The following ENG variants were observed in gnomAD, a reference collection of about 807,000 sequenced individuals.
ENG encodes the protein endoglin.
Under a neutral mutation model 71.0 loss-of-function variants are expected in ENG, and 17 were observed. The ratio of observed to expected loss-of-function variants is 0.24; its 90% CI spans 0.16 to 0.36. The LOEUF (loss-of-function observed/expected upper bound fraction) is 0.36, where lower values mean the gene tolerates loss of function less well. ENG is among the 10% of genes least tolerant of loss of function. The probability of loss-of-function intolerance (pLI) is 1.00; values close to 1 mark genes in which losing one functional copy is unlikely to be tolerated. For synonymous variants in ENG, 360 were observed against 366.9 expected, an observed-to-expected ratio of 0.98 and a Z score of 0.21; for missense variants, 749 against 868.3, an observed-to-expected ratio of 0.86 and a Z score of 1.73.
chr9:127,834,916 T>C (rs1830860590), intron 2 of ENG, among the ~76,000 whole-genome samples: 1 of 151,968 alleles, frequency 6.6e-6, no homozygotes, highest in African/African-American at 2.4e-5. Flanking sequence ...TATAAGTTCA[T>C]GTTTTGATTA....
intron 2 of ENG, among the ~76,000 whole-genome samples, chr9:127,832,144 C>T (rs1052277290): frequency 4.8e-5 from 7 of 144,614 alleles, no homozygotes; most frequent in Non-Finnish European, 7.5e-5. Flanking sequence ...GGCACAACCT[C>T]GGCTCACTGC....
chr9:127,825,281 G>T lies in ENG; in HGVS notation c.766C>A (p.Pro256Thr), dbSNP rs143779963. 4 of 1,611,080 alleles carry T rather than the reference G, an allele frequency of 2.5e-6. No homozygotes were observed. Among genetic ancestry groups the T allele is most frequent in the African/African-American group, 1.4e-5 (1 of 73,984 alleles). Reference sequence around the variant, plus strand: ...TCGATGAGCCAGGACACGTAGGGGGGACCCTGCAGGATGAGGACGGCATCG... The same window carrying T: ...TCGATGAGCCAGGACACGTAGGGGGTACCCTGCAGGATGAGGACGGCATCG... ...DLDAVLILQG[P>T]PYVSWLIDAN... is the part of the protein sequence containing the mutation. Residue 256 changes from proline (P) to threonine (T), a missense_variant, in exon 6 of 15, where the codon CCC becomes ACC. Physicochemically the swap from Pro to Thr is conservative, Grantham distance 38. Transcript: ENST00000373203.
chr9:127,839,034 G>A lies in ENG; in HGVS notation c.219+4060C>T, dbSNP rs539764940. 3.9e-5 allele frequency among the ~76,000 whole-genome samples: 6 copies of A among 152,240 alleles called. No individual in the cohort carries two copies. The East Asian group carries it at 5.8e-4, about 15-fold the overall frequency. Reference sequence around the variant, plus strand: ...TAAAAGCCACCACCCCCACTACCACGTCCAGCCCCATGCCGCTAGGCCTTT... The same window carrying A: ...TAAAAGCCACCACCCCCACTACCACATCCAGCCCCATGCCGCTAGGCCTTT... On this transcript the variant is annotated intron_variant, in intron 2 of 14. Transcript: ENST00000373203.
Position 127,819,913 on chromosome 9 carries a change from A to G in ENG, c.1259T>C (p.Met420Thr), listed in dbSNP as rs766272638. 183 of 1,614,102 alleles carry G rather than the reference A, an allele frequency of 1.1e-4. No individual in the cohort carries two copies. Among genetic ancestry groups the G allele is most frequent in the Non-Finnish European group, 1.3e-4 (154 of 1,180,046 alleles). Residue 420 changes from methionine (M) to threonine (T), a missense_variant, in exon 9 of 15, where the codon ATG becomes ACG. By Grantham distance (81) the Met-to-Thr change is moderately conservative. Coordinates refer to ENST00000373203, the MANE Select transcript of ENG (RefSeq NM_001114753.3). ...CCCAGCTCTTACCTCATTGCTGATC[A>G]TACTTGCTGACACCTGCATGCCACA... is the stretch of plus-strand genomic sequence containing the variant. Reference protein sequence around the residue: ...SSCGMQVSASMISNEAVVNIL... With the variant: ...SSCGMQVSASTISNEAVVNIL...
intron 14 of ENG, 32 bp downstream of exon 14, chr9:127,815,911 G>A: frequency 6.3e-7 from 1 of 1,580,496 alleles, no homozygotes; most frequent in East Asian, 2.3e-5. Context: ...GAGGGGCCCG[G>A]CATGCTCACT....
chr9:127,836,290 C>A lies in ENG; in HGVS notation c.220-6463G>T, dbSNP rs1830901767. The stretch of plus-strand genomic sequence containing the variant: ...CCCAGCCCGGCCAGCCTGCGCCTAC[C>A]CAGCCCCCTCCCTGAGTGGGTGGGC... On this transcript the variant is annotated intron_variant, in intron 2 of 14. Transcript: ENST00000373203. The surrounding 1 kb of genome is among the most constrained non-coding windows in gnomAD (Gnocchi z 4.0). Among the ~76,000 whole-genome samples the A allele has an allele frequency of 6.6e-6, 1 of 152,244 alleles. No individual in the cohort carries two copies. The highest frequency in any genetic ancestry group is 2.4e-5 in the African/African-American group (1 of 41,470).
intron 3 of ENG, 45 bp downstream of exon 3, chr9:127,829,642 C>A: frequency 4.3e-6 from 7 of 1,611,830 alleles, no homozygotes; most frequent in Non-Finnish European, 5.9e-6. Context: ...GTAGGGACCT[C>A]CCATGGCCAG....
intron 2 of ENG, among the ~76,000 whole-genome samples, chr9:127,840,381 A>G (rs1400684914): frequency 6.6e-6 from 1 of 152,200 alleles, no homozygotes; most frequent in East Asian, 1.9e-4. Context: ...GGATTATTTG[A>G]GGTCAGGAGT....
Position 127,817,222 on chromosome 9 carries a change from G to A in ENG, c.1687-19C>T. ...GGACTTCCTGGAGGAGAAAGAGAGA[G>A]CAGTATGTGGCACCTTTGGGAGGCG... On this transcript the variant is annotated intron_variant, in intron 12 of 14. Coordinates refer to ENST00000373203, the MANE Select transcript of ENG (RefSeq NM_001114753.3). 6.2e-7 allele frequency: 1 copy of A among 1,614,004 alleles called. No homozygotes were observed. The highest frequency in any genetic ancestry group is 2.2e-5 in the East Asian group (1 of 44,882).
At chr9:127,826,726 A>G in intron 3 of ENG, 54 bp from the exon 4 acceptor site, 8 of 1,605,620 alleles carry the variant, frequency 5.0e-6, no homozygotes, top group South Asian at 1.1e-5. Context: ...TGCCCTCTCT[A>G]TCCCATGTAG....
intron 3 of ENG, among the ~76,000 whole-genome samples, chr9:127,828,515 C>T (rs942406523): frequency 1.3e-5 from 2 of 152,174 alleles, no homozygotes; most frequent in African/African-American, 4.8e-5. Flanking sequence ...TGCGACCTTC[C>T]GGCTGGCGGG....
At chr9:127,841,997 C>T (rs750075571) in intron 2 of ENG, among the ~76,000 whole-genome samples, 3 of 152,144 alleles carry the variant, frequency 2.0e-5, no homozygotes, top group African/African-American at 4.8e-5. Context: ...GGCATAGAGT[C>T]GGCCCTAGCA....
chr9:127,817,096 C>CT, intron 13 of ENG, 53 bp downstream of exon 13: 1 of 1,605,534 alleles, frequency 6.2e-7, no homozygotes, highest in Non-Finnish European at 8.5e-7. Context: ...CCGCTGTGCC[C>CT]TACTGTGACC....
At chr9:127,819,542 T>C (rs1307776854) in intron 10 of ENG, 80 bp downstream of exon 10, 11 of 1,594,868 alleles carry the variant, frequency 6.9e-6, no homozygotes, top group African/African-American at 2.7e-5. Flanking sequence ...CGAGGCCTGC[T>C]CCCTCCCAGG....
rs1384905130 is a variant in ENG, at chr9:127,846,011, C to G, written c.68-2766G>C. Among the ~76,000 whole-genome samples, 1 of 152,222 alleles carries G rather than the reference C, an allele frequency of 6.6e-6. No homozygotes were observed. Among genetic ancestry groups the G allele is most frequent in the Non-Finnish European group, 1.5e-5 (1 of 68,042 alleles). On this transcript the variant is annotated intron_variant, in intron 1 of 14. Coordinates refer to ENST00000373203, the MANE Select transcript of ENG (RefSeq NM_001114753.3). This position sits in a 1 kb window ranked among gnomAD's most constrained non-coding sequence, Gnocchi z 5.5. ...GTGTGAGCCACCATGAGTGAGCCAG[C>G]ATGCCTGGCCGGCAGCTTTCTCTTA...
At chr9:127,829,559 A>C in intron 3 of ENG, 128 bp downstream of exon 3, 2 of 1,299,516 alleles carry the variant, frequency 1.5e-6, no homozygotes, top group Non-Finnish European at 2.2e-6. Context: ...ACCCTGGTGA[A>C]TAATGTCAAG....
intron 2 of ENG, among the ~76,000 whole-genome samples, chr9:127,842,377 C>T (rs749160913): frequency 7.9e-5 from 12 of 151,666 alleles, no homozygotes; most frequent in African/African-American, 2.2e-4. Flanking sequence ...TACAGGCATG[C>T]GCCACTATGC....
At chr9:127,816,696 G>A (rs551409289) in intron 13 of ENG, 1 of 260,700 alleles carries the variant, frequency 3.8e-6, no homozygotes, top group African/African-American at 2.2e-5. Context: ...TCTGCCACCA[G>A]TGTCGGGACT....
At chr9:127,827,120 G>A (rs759538168) in intron 3 of ENG, 1 of 166,840 alleles carries the variant, frequency 6.0e-6, no homozygotes, top group Non-Finnish European at 1.3e-5. Flanking sequence ...CTGGGCCCTG[G>A]GCCCATCACA....
Sources: allele counts gnomAD v4.1 joint callset (sites outside exome capture counted in the v4.1 genomes callset), GRCh38; gene constraint gnomAD v4.1.1; non-coding constraint Gnocchi (gnomAD v3.1); transcripts MANE v1.5; gene names NCBI Gene and HGNC (gene_info 2026-07-23, HGNC 2026-07-21).